RBFOX1: variants seen among roughly 807,000 people sequenced by gnomAD.
The protein encoded by RBFOX1 is RNA binding fox-1 homolog 1, also known as RNA binding protein fox-1 homolog 1.
In RBFOX1, 8 loss-of-function variants were observed where a neutral mutation model predicts 57.7. The ratio of observed to expected loss-of-function variants is 0.14; its 90% CI spans 0.08 to 0.25. The LOEUF (loss-of-function observed/expected upper bound fraction) is 0.25. Ranked by LOEUF, RBFOX1 falls within the 10% of genes least tolerant of loss-of-function variation. RBFOX1 has a pLI of 1.00. For synonymous variants in RBFOX1, 326 were observed against 222.4 expected (o/e 1.47, Z -4.15); for missense variants, 611 against 548.5 (o/e 1.11, Z -1.14).
rs531251389 is a variant in RBFOX1 at position 6,906,239 on chromosome 16, A to AAC, written c.-15-145818_-15-145817insAC. On this transcript the variant is annotated intron_variant, in intron 3 of 15. Transcript: ENST00000550418. ...GGGCAACCCCAAAAAGCAATTTATT[A>AAC]CCCCCCCCCAAAATATACATTGTCA... Among the ~76,000 whole-genome samples, 5 of 149,756 alleles carry AAC rather than the reference A, an allele frequency of 3.3e-5. No individual in the cohort carries two copies. In the South Asian group the frequency reaches 1.1e-3, roughly 32 times the overall value.
chr16:5,793,692 T>C lies in RBFOX1; in HGVS notation c.319-73611T>C, dbSNP rs186990590. On this transcript the variant is annotated intron_variant, in intron 3 of 19. Transcript: ENST00000641259. ...TGGAGGGCCCAGACTGGTCACCCCA[T>C]TGGGAGACTTTCCAGGCTGGGAGGG... Among the ~76,000 whole-genome samples, 286 of 152,314 alleles carry C rather than the reference T, an allele frequency of 1.9e-3. 1 individual carries two copies. The highest frequency in any genetic ancestry group is 6.0e-3 in the African/African-American group (249 of 41,588).
At chr16:5,668,038 A>G (rs143767885) in intron 3 of RBFOX1, among the ~76,000 whole-genome samples, 77 of 152,218 alleles carry the variant, frequency 5.1e-4, no homozygotes, top group African/African-American at 1.7e-3. Flanking sequence ...AATTCCAACA[A>G]CCACATCACC....
At chr16:7,676,726 C>G (rs1308426033) in intron 13 of RBFOX1, 48 bp from the exon 14 acceptor site, 1 of 1,511,918 alleles carries the variant, frequency 6.6e-7, no homozygotes, top group Admixed American at 1.7e-5. Flanking sequence ...GGCATCCCTG[C>G]ATTGGGCTCC....
At chr16:6,394,380 T>C (rs983814509) in intron 2 of RBFOX1, among the ~76,000 whole-genome samples, 1 of 152,144 alleles carries the variant, frequency 6.6e-6, no homozygotes, top group African/African-American at 2.4e-5. Flanking sequence ...TCGATGCATG[T>C]GAATAAAAGA....
At chr16:7,157,406 C>G (rs775542407) in intron 4 of RBFOX1, among the ~76,000 whole-genome samples, 1 of 151,926 alleles carries the variant, frequency 6.6e-6, no homozygotes, top group Non-Finnish European at 1.5e-5. Flanking sequence ...ATGTAAAATG[C>G]ACTTAGGATC....
chr16:6,593,160 C>A (rs2097736560), intron 2 of RBFOX1, among the ~76,000 whole-genome samples: 1 of 152,082 alleles, frequency 6.6e-6, no homozygotes, highest in South Asian at 2.1e-4. Flanking sequence ...CCATTGCGCT[C>A]CAGCCTGGGC....
At chr16:7,272,660 C>A (rs1367522611) in intron 4 of RBFOX1, among the ~76,000 whole-genome samples, 1 of 116,466 alleles carries the variant, frequency 8.6e-6, no homozygotes, top group African/African-American at 4.9e-5. Context: ...TTACTTATAT[C>A]TGAGAAGGGG....
intron 2 of RBFOX1, among the ~76,000 whole-genome samples, chr16:5,474,543 A>C (rs558465108): frequency 6.6e-6 from 1 of 151,924 alleles, no homozygotes; most frequent in African/African-American, 2.4e-5. Context: ...AATCCCAGCT[A>C]TTTGGGAGGC....
At chr16:5,642,612 C>T (rs373761546) in intron 3 of RBFOX1, among the ~76,000 whole-genome samples, 10 of 151,912 alleles carry the variant, frequency 6.6e-5, no homozygotes, top group Non-Finnish European at 1.0e-4. Context: ...GCCTAGCCGC[C>T]CCCCCTTCCC....
chr16:7,635,929 G>A (rs28576640), intron 11 of RBFOX1, among the ~76,000 whole-genome samples: 6,488 of 152,156 alleles, frequency 0.043, 409 homozygotes, highest in African/African-American at 0.14. Context: ...TCCTGTCTCA[G>A]CCTCCCAAGT....
At chr16:7,239,238 C>G (rs1201906253) in intron 4 of RBFOX1, among the ~76,000 whole-genome samples, 2 of 152,158 alleles carry the variant, frequency 1.3e-5, no homozygotes, top group African/African-American at 2.4e-5. Flanking sequence ...GTGGAATCAG[C>G]CAGTAATCCC....
chr16:5,432,613 G>C (rs1216743900), intron 1 of RBFOX1, among the ~76,000 whole-genome samples: 1 of 142,114 alleles, frequency 7.0e-6, no homozygotes, highest in East Asian at 2.0e-4. Flanking sequence ...AAAATAAATG[G>C]GTAAAAAAAA....
At chr16:7,479,637 GCTT>G (rs1030106489) in intron 4 of RBFOX1, among the ~76,000 whole-genome samples, 15 of 152,162 alleles carry the variant, frequency 9.9e-5, no homozygotes, top group African/African-American at 3.4e-4. Context: ...GAAGGATGCA[GCTT>G]CTTCTGCTTT....
At chr16:7,197,455 A>C (rs1029953464) in intron 4 of RBFOX1, among the ~76,000 whole-genome samples, 7 of 151,800 alleles carry the variant, frequency 4.6e-5, no homozygotes, top group South Asian at 2.1e-4. Context: ...AAAAAAAAAA[A>C]AAAAAAACAT....
In RBFOX1 at chr16:6,539,447, C is replaced by G. The variant is rs1000824688; in HGVS notation, c.-63-115156C>G. 2.0e-5 allele frequency among the ~76,000 whole-genome samples: 3 copies of G among 152,102 alleles called. No individual in the cohort carries two copies. In the East Asian group the frequency reaches 5.8e-4, roughly 29 times the overall value. On this transcript the variant is annotated intron_variant, in intron 2 of 15. Coordinates refer to ENST00000550418, the MANE Select transcript of RBFOX1 (RefSeq NM_018723.4). ...GTATTATTATCATGGTTACTTCTGT[C>G]CTAGTTTTTACTCTATTACATAGTT...
At chr16:5,270,496 C>G in intron 1 of RBFOX1, 2 of 690,724 alleles carry the variant, frequency 2.9e-6, no homozygotes. Context: ...TTACCTGTGA[C>G]AAAATATGTT....
chr16:6,893,056 C>T lies in RBFOX1; in HGVS notation c.-15-159001C>T, dbSNP rs189482750. 2.6e-5 allele frequency among the ~76,000 whole-genome samples: 4 copies of T among 152,266 alleles called. No individual in the cohort carries two copies. The East Asian group carries it at 5.8e-4, about 22-fold the overall frequency. On this transcript the variant is annotated intron_variant, in intron 3 of 15. Transcript: ENST00000550418. ...TGCACCAACCGAATACATGATCTTT[C>T]TCTTCAGAACTTGTAAAAGACTGCC...
At chr16:6,550,135 C>T (rs534191797) in intron 2 of RBFOX1, among the ~76,000 whole-genome samples, 2 of 152,090 alleles carry the variant, frequency 1.3e-5, no homozygotes, top group Non-Finnish European at 2.9e-5. Context: ...GTCCCTCTCC[C>T]TCCCCTCTCT....
chr16:6,278,704 TA>T (rs1423343923), intron 1 of RBFOX1, among the ~76,000 whole-genome samples: 1 of 152,180 alleles, frequency 6.6e-6, no homozygotes, highest in Non-Finnish European at 1.5e-5. Context: ...ATTTAAAGTA[TA>T]AATAAATCAT....
Sources: allele counts gnomAD v4.1 joint callset (sites outside exome capture counted in the v4.1 genomes callset), GRCh38; gene constraint gnomAD v4.1.1; transcripts MANE v1.5; gene names NCBI Gene and HGNC (gene_info 2026-07-23, HGNC 2026-07-21).